The following LINGO1 variants were observed in gnomAD, a reference collection of about 807,000 sequenced individuals.
The protein encoded by LINGO1 is leucine rich repeat and Ig domain containing 1.
In LINGO1, 11 loss-of-function variants were observed where a neutral mutation model predicts 37.3. The ratio of observed to expected loss-of-function variants is 0.29; its 90% CI spans 0.19 to 0.49. The LOEUF (loss-of-function observed/expected upper bound fraction) is 0.49, where lower values mean the gene tolerates loss of function less well. Ranked by LOEUF, LINGO1 falls within the 20% of genes least tolerant of loss-of-function variation. LINGO1 has a pLI of 0.99. For missense variants in LINGO1, 585 were observed against 878.2 expected (o/e 0.67, Z 4.22); for synonymous variants, 387 against 403.0 (o/e 0.96, Z 0.48).
chr15:77,763,103 T>A (rs2076493898), intron 1 of LINGO1, among the ~76,000 whole-genome samples: 1 of 152,140 alleles, frequency 6.6e-6, no homozygotes, highest in African/African-American at 2.4e-5. Flanking sequence ...AAGTTATAAT[T>A]AAGACGGGAT....
chr15:77,695,183 C>G lies in LINGO1; in HGVS notation c.-281+1208G>C, dbSNP rs114702745. 2.6e-3 allele frequency among the ~76,000 whole-genome samples: 393 copies of G among 152,164 alleles called. 2 individuals carry two copies. Among genetic ancestry groups the G allele is most frequent in the African/African-American group, 8.9e-3 (371 of 41,518 alleles). On this transcript the variant is annotated intron_variant, in intron 1 of 3. Coordinates refer to the LINGO1 transcript ENST00000559893. ...TAAGTGCTGGAGCCAGAATTTGAAC[C>G]CAGGGCCGACTGATTCCAAAGGTCC...
At chr15:77,623,195 G>A (rs911199438) in intron 1 of LINGO1, among the ~76,000 whole-genome samples, 6 of 152,216 alleles carry the variant, frequency 3.9e-5, no homozygotes, top group Admixed American at 2.6e-4. Flanking sequence ...GGTGCTGTGT[G>A]AGCTCAGGCT....
chr15:77,722,974 C>T (rs905851025), intron 2 of LINGO1, among the ~76,000 whole-genome samples: 2 of 152,196 alleles, frequency 1.3e-5, no homozygotes, highest in African/African-American at 4.8e-5. Context: ...GAGGCTCCTG[C>T]AGTTCACAGA....
intron 2 of LINGO1, among the ~76,000 whole-genome samples, chr15:77,709,400 T>C (rs1288714571): frequency 6.6e-6 from 1 of 152,198 alleles, no homozygotes; most frequent in African/African-American, 2.4e-5. Context: ...GGGTCATCAT[T>C]CCCGTCCCAC....
chr15:77,626,322 CT>C (rs67923470), intron 1 of LINGO1, among the ~76,000 whole-genome samples: 27,531 of 152,058 alleles, frequency 0.18, 5,347 homozygotes, highest in African/African-American at 0.49. Flanking sequence ...AAAAATAACC[CT>C]CTAAAACATC....
At chr15:77,667,295 G>C (rs917191094) in intron 3 of LINGO1, among the ~76,000 whole-genome samples, 1 of 152,208 alleles carries the variant, frequency 6.6e-6, no homozygotes, top group African/African-American at 2.4e-5. Context: ...TCCCACCTCC[G>C]GCTATCTGGA....
chr15:77,653,280 C>G (rs375230309), intron 3 of LINGO1, among the ~76,000 whole-genome samples: 3 of 152,318 alleles, frequency 2.0e-5, no homozygotes, highest in Non-Finnish European at 4.4e-5. Context: ...TCCTTGCCTG[C>G]TGTTCTTTCC....
At chr15:77,643,034 C>A (rs2074544887) in intron 3 of LINGO1, among the ~76,000 whole-genome samples, 1 of 152,218 alleles carries the variant, frequency 6.6e-6, no homozygotes, top group Admixed American at 6.5e-5. Flanking sequence ...GACAGAGACT[C>A]ACACACAGCG....
intron 1 of LINGO1, among the ~76,000 whole-genome samples, chr15:77,785,968 C>T (rs184957096): frequency 3.9e-5 from 6 of 152,068 alleles, no homozygotes; most frequent in African/African-American, 7.2e-5. Flanking sequence ...TTCAGTGAGG[C>T]GGGGGAAGGG....
In LINGO1 at chr15:77,613,807, A is replaced by C. The variant is rs975921014; in HGVS notation, c.*237T>G. The C allele has an allele frequency of 8.0e-6, 4 of 501,948 alleles. No individual in the cohort carries two copies. Among genetic ancestry groups the C allele is most frequent in the Non-Finnish European group, 1.4e-5 (4 of 284,992 alleles). 31.1% of individuals were successfully genotyped at this position (501,948 alleles called of 1,614,324 possible). A position where few individuals can be genotyped will look rare whatever the true frequency, so the allele number is the denominator to read the frequency against. On this transcript the variant is annotated 3_prime_UTR_variant, in exon 2 of 2. Coordinates refer to ENST00000355300, the MANE Select transcript of LINGO1 (RefSeq NM_032808.7). ...TGTCGGTTCGTCGGCTTTCAACTCC[A>C]GTCTGTCAATGCCCCTGTGTAGGTG...
At chr15:77,634,982 C>T (rs1298153378), upstream of LINGO1, among the ~76,000 whole-genome samples, 4 of 152,184 alleles carry the variant, frequency 2.6e-5, no homozygotes, top group Non-Finnish European at 5.9e-5. Flanking sequence ...CATCTCTCCG[C>T]CCCCGACTCA....
chr15:77,644,186 T>C (rs921612838), intron 3 of LINGO1, among the ~76,000 whole-genome samples: 1 of 152,232 alleles, frequency 6.6e-6, no homozygotes, highest in Non-Finnish European at 1.5e-5. Flanking sequence ...ATGTGTCATG[T>C]TGAACATGTG....
In LINGO1 at chr15:77,816,517, T is replaced by C. The variant is rs185458981; in HGVS notation, c.-458+3741A>G. ...TCTTATCACTGGGTTTGTTAGAATA[T>C]CTTTACAATTTAAAACACAAATATA... On this transcript the variant is annotated intron_variant, in intron 1 of 5. Coordinates refer to the LINGO1 transcript ENST00000562933. Among the ~76,000 whole-genome samples the C allele has an allele frequency of 1.9e-3, 290 of 152,266 alleles. 1 individual carries two copies. The highest frequency in any genetic ancestry group is 2.2e-3 in the Non-Finnish European group (148 of 68,016).
intron 1 of LINGO1, among the ~76,000 whole-genome samples, chr15:77,753,605 C>G (rs961997098): frequency 7.2e-5 from 11 of 152,288 alleles, no homozygotes; most frequent in South Asian, 2.1e-4. Context: ...TGGGCACTGC[C>G]AAGGACTGTC....
intron 1 of LINGO1, among the ~76,000 whole-genome samples, chr15:77,742,698 G>A (rs1046187412): frequency 6.6e-6 from 1 of 152,232 alleles, no homozygotes; most frequent in Non-Finnish European, 1.5e-5. Context: ...GCCTGCTGGA[G>A]AGCTGGTGTT....
rs11390259 is a variant in LINGO1, at chr15:77,801,593, GT to G, written c.-457-5541del. ...AACAAAATCAATAAAGAGTTAATGG[GT>G]TTTTTTTTTTTAATCCTTCTCAGAC... On this transcript the variant is annotated intron_variant, in intron 1 of 5. Transcript: ENST00000562933. Among the ~76,000 whole-genome samples the G allele has an allele frequency of 2.2e-3, 320 of 147,754 alleles. 1 individual carries two copies. The highest frequency in any genetic ancestry group is 5.7e-3 in the African/African-American group (231 of 40,346).
chr15:77,769,056 T>C (rs4450363), intron 1 of LINGO1, among the ~76,000 whole-genome samples: 117,602 of 152,152 alleles, frequency 0.77, 46,996 homozygotes, highest in Non-Finnish European at 0.87. Flanking sequence ...AATTTATGGG[T>C]CCTGGTGTGC....
intron 1 of LINGO1, among the ~76,000 whole-genome samples, chr15:77,782,325 A>G (rs562408436): frequency 2.6e-5 from 4 of 152,166 alleles, no homozygotes; most frequent in South Asian, 4.1e-4. Context: ...CCTTCCTATC[A>G]GGCACCACTC....
intron 1 of LINGO1, among the ~76,000 whole-genome samples, chr15:77,695,100 T>C (rs1313293519): frequency 6.6e-6 from 1 of 152,116 alleles, no homozygotes; most frequent in Admixed American, 6.5e-5. Context: ...CAGTGAAAGC[T>C]GGGAGAGATT....
Sources: gnomAD v4.1 joint callset for allele counts (sites outside exome capture counted in the v4.1 genomes callset) on GRCh38, gnomAD v4.1.1 for gene constraint, MANE v1.5 for transcripts, NCBI Gene and HGNC (gene_info 2026-07-23, HGNC 2026-07-21) for gene names.